Variants in GNB5 observed in about 807,000 individuals in gnomAD.
GNB5 encodes the protein G protein subunit beta 5.
In GNB5, 37 loss-of-function variants were observed where a neutral mutation model predicts 55.3. That is an observed-to-expected ratio of 0.67 (90% CI 0.51 to 0.88). GNB5 has a LOEUF of 0.88. GNB5 is among the 40% of genes least tolerant of loss of function. The pLI is 0.00. For missense variants in GNB5, 476 were observed against 515.3 expected (o/e 0.92, Z 0.74); for synonymous variants, 219 against 198.5 (o/e 1.10, Z -0.87).
rs1403297953 is a variant in GNB5, at chr15:52,120,962, G to T, written c.*1795C>A. On this transcript the variant is annotated 3_prime_UTR_variant, in exon 13 of 13. Transcript: ENST00000261837. ...AATATAATTATTATGTTTATTTGAA[G>T]TGAGATGATGGAAAAGATGGCCTGG... 1 of 152,278 alleles carries T rather than the reference G, an allele frequency of 6.6e-6. No homozygotes were observed. Among genetic ancestry groups the T allele is most frequent in the Non-Finnish European group, 1.5e-5 (1 of 68,064 alleles). 9.4% of individuals were successfully genotyped at this position (152,278 alleles called of 1,614,324 possible).
At position 52,120,303 on chromosome 15, in the gene GNB5, C is replaced by G. The variant is rs149215419; in HGVS notation, c.*2454G>C. The G allele has an allele frequency of 2.0e-5, 3 of 152,386 alleles. No homozygotes were observed. Among genetic ancestry groups the G allele is most frequent in the Non-Finnish European group, 4.4e-5 (3 of 68,050 alleles). The allele number at this position is 152,386 out of a possible 1,614,324, so 9.4% of individuals were successfully genotyped here. A position where few individuals can be genotyped will look rare whatever the true frequency, so the allele number is the denominator to read the frequency against. On this transcript the variant is annotated 3_prime_UTR_variant, in exon 13 of 13. Coordinates refer to ENST00000261837, the MANE Select transcript of GNB5 (RefSeq NM_016194.4). ...TACAATCTATCCCATGGAGCTTACC[C>G]CTGAGTCTCCACATGCTGTCACATA...
At chr15:52,143,358 AGGG>A (rs1286460088) in intron 6 of GNB5, among the ~76,000 whole-genome samples, 1 of 152,172 alleles carries the variant, frequency 6.6e-6, no homozygotes, top group Non-Finnish European at 1.5e-5. Context: ...AAGGTTTTGC[AGGG>A]TGATGCATCC....
rs192004006 is a variant in GNB5, at chr15:52,138,428, G to A, written c.628-2672C>T. On this transcript the variant is annotated intron_variant, in intron 7 of 12. Transcript: ENST00000261837. ...TCATTTTTTTTTCTTTTTTTGCAGG[G>A]AAGGAACAAATTACAAGGAGGGGAA... 4.5e-3 allele frequency: 687 copies of A among 152,272 alleles called. 4 individuals are homozygous for A. The highest frequency in any genetic ancestry group is 0.015 in the African/African-American group (626 of 41,056). 9.4% of individuals were successfully genotyped at this position (152,272 alleles called of 1,614,324 possible).
chr15:52,168,875 T>C (rs563244668), intron 3 of GNB5, among the ~76,000 whole-genome samples: 32 of 152,342 alleles, frequency 2.1e-4, no homozygotes, highest in Admixed American at 1.9e-3. Context: ...GGGGAAAGGA[T>C]TCCCTATTTA....
In GNB5 at chr15:52,126,003, G is replaced by C. The variant is rs779516075; in HGVS notation, c.954C>G (p.Ile318Met). The C allele has an allele frequency of 6.3e-7, 1 of 1,588,734 alleles. No individual in the cohort carries two copies. ...CAAATATGATGCTTTCTTTGGAATA[G>C]ATGGCAACCTCCCTATCTGCCCGCA... ...YDLRADREVA[I>M]YSKESIIFGA... The change falls in exon 11 of 13, where the codon ATC becomes ATG. Residue 318 changes from isoleucine (I) to methionine (M), a missense_variant. Coordinates refer to ENST00000261837, the MANE Select transcript of GNB5 (RefSeq NM_016194.4).
intron 6 of GNB5, among the ~76,000 whole-genome samples, chr15:52,145,925 A>G (rs2033964687): frequency 6.7e-6 from 1 of 148,834 alleles, no homozygotes; most frequent in Non-Finnish European, 1.5e-5. Flanking sequence ...TTTATTTGGT[A>G]TAGTTCCTCC....
At chr15:52,162,519 C>T (rs930924351) in intron 3 of GNB5, among the ~76,000 whole-genome samples, 5 of 152,050 alleles carry the variant, frequency 3.3e-5, no homozygotes, top group African/African-American at 4.8e-5. Flanking sequence ...ACTCTGAAAC[C>T]GACTGCAAAG....
intron 3 of GNB5, among the ~76,000 whole-genome samples, chr15:52,162,144 G>A (rs565586299): frequency 6.6e-6 from 1 of 152,292 alleles, no homozygotes; most frequent in East Asian, 1.9e-4. Context: ...TGAGGGAAGA[G>A]CACAGTTAAC....
At chr15:52,123,026 G>C (rs1333741323) in intron 12 of GNB5, among the ~76,000 whole-genome samples, 1 of 146,294 alleles carries the variant, frequency 6.8e-6, no homozygotes, top group African/African-American at 2.7e-5. Flanking sequence ...TTAATTGTCT[G>C]TGGGGCATCT....
In GNB5 at chr15:52,185,753, TTTATTATTATTATTATTA is replaced by T. The variant is rs9302164; in HGVS notation, c.-18-1077_-18-1060del. On this transcript the variant is annotated intron_variant, in intron 1 of 12. Coordinates refer to ENST00000261837, the MANE Select transcript of GNB5 (RefSeq NM_016194.4). ...CCACTTTGAGCTGTGTATTCATCTT[TTTATTATTATTATTATTA>T]TTATTATTATTATTATTATTATTAT... Among the ~76,000 whole-genome samples, 117 of 136,712 alleles carry T rather than the reference TTTATTATTATTATTATTA, an allele frequency of 8.6e-4. 1 individual carries two copies. Among genetic ancestry groups the T allele is most frequent in the East Asian group, 4.0e-3 (19 of 4,802 alleles). 89.7% of individuals were successfully genotyped at this position (136,712 alleles called of 152,430 possible).
intron 3 of GNB5, among the ~76,000 whole-genome samples, chr15:52,168,108 T>C (rs937670126): frequency 1.3e-5 from 2 of 152,214 alleles, no homozygotes; most frequent in African/African-American, 4.8e-5. Context: ...AGATGCCCTC[T>C]CTCTCCACTC....
chr15:52,140,070 G>A (rs1374391012), intron 7 of GNB5: 9 of 767,138 alleles, frequency 1.2e-5, no homozygotes, highest in Middle Eastern at 5.9e-4. Flanking sequence ...TCAAATAATA[G>A]GTGTAAACAA....
At chr15:52,185,702 A>G (rs1273785738) in intron 1 of GNB5, among the ~76,000 whole-genome samples, 1 of 151,754 alleles carries the variant, frequency 6.6e-6, no homozygotes, top group Non-Finnish European at 1.5e-5. Context: ...AATCATGAAA[A>G]TGAGACAGCA....
At chr15:52,135,431 G>A (rs774415821) in intron 8 of GNB5, among the ~76,000 whole-genome samples, 182 bp downstream of exon 8, 10 of 152,178 alleles carry the variant, frequency 6.6e-5, no homozygotes, top group South Asian at 4.1e-4. Context: ...CCAAGCCCCC[G>A]AGAGGGGCCT....
intron 3 of GNB5, among the ~76,000 whole-genome samples, chr15:52,156,439 T>C (rs1310013512): frequency 6.6e-6 from 1 of 152,210 alleles, no homozygotes; most frequent in African/African-American, 2.4e-5. Flanking sequence ...GTAAAAATAC[T>C]TGCTAAACTA....
intron 4 of GNB5, among the ~76,000 whole-genome samples, chr15:52,150,559 T>G (rs1036798598): frequency 6.6e-6 from 1 of 152,156 alleles, no homozygotes; most frequent in Non-Finnish European, 1.5e-5. Flanking sequence ...GAGAACAACA[T>G]GCGATATGCA....
At chr15:52,181,835 A>T (rs996714235) in intron 2 of GNB5, among the ~76,000 whole-genome samples, 1 of 152,054 alleles carries the variant, frequency 6.6e-6, no homozygotes, top group South Asian at 2.1e-4. Context: ...AGTTTATTAA[A>T]TGGATGTATA....
At chr15:52,155,832 T>C (rs759068560) in intron 3 of GNB5, among the ~76,000 whole-genome samples, 10 of 152,164 alleles carry the variant, frequency 6.6e-5, no homozygotes, top group Non-Finnish European at 1.3e-4. Context: ...ATCATCTGGT[T>C]AAGGGGACAC....
intron 3 of GNB5, among the ~76,000 whole-genome samples, chr15:52,154,910 T>C (rs1357304556): frequency 6.6e-6 from 1 of 152,212 alleles, no homozygotes; most frequent in Non-Finnish European, 1.5e-5. Context: ...ACAGCTTCTT[T>C]CCTGAGGCCA....
Sources: allele counts gnomAD v4.1 joint callset (sites outside exome capture counted in the v4.1 genomes callset), GRCh38; gene constraint gnomAD v4.1.1; transcripts MANE v1.5; gene names NCBI Gene and HGNC (gene_info 2026-07-23, HGNC 2026-07-21).